Variants in ELAVL4 observed in about 807,000 individuals in gnomAD.
ELAVL4 encodes ELAV-like protein 4.
In ELAVL4, 1 loss-of-function variant was observed where a neutral mutation model predicts 35.6. The observed-to-expected ratio is 0.03, with a 90% CI of 0.01 to 0.13. The LOEUF (loss-of-function observed/expected upper bound fraction) is 0.13. Among genes scored for constraint, ELAVL4 ranks in the 10% least tolerant of loss-of-function variants. The probability of loss-of-function intolerance (pLI) is 1.00; values close to 1 mark genes in which losing one functional copy is unlikely to be tolerated. For synonymous variants in ELAVL4, 156 were observed against 171.0 expected, an observed-to-expected ratio of 0.91 and a Z score of 0.69; for missense variants, 267 against 464.9, an observed-to-expected ratio of 0.57 and a Z score of 3.91.
intron 1 of ELAVL4, among the ~76,000 whole-genome samples, chr1:50,070,368 A>G (rs1002998590): frequency 2.6e-5 from 4 of 152,302 alleles, no homozygotes; most frequent in African/African-American, 9.6e-5. Flanking sequence ...GGGGTCCTCT[A>G]TGGGACTCCC....
intron 2 of ELAVL4, among the ~76,000 whole-genome samples, chr1:50,148,383 T>A (rs1197266651): frequency 2.6e-5 from 4 of 152,158 alleles, no homozygotes; most frequent in Admixed American, 6.5e-5. Context: ...ACAAGACTCA[T>A]GTGTATAAAG....
At chr1:50,056,347 C>T (rs1663669091) in intron 1 of ELAVL4, among the ~76,000 whole-genome samples, 1 of 152,094 alleles carries the variant, frequency 6.6e-6, no homozygotes, top group Non-Finnish European at 1.5e-5. Flanking sequence ...TGGTCATGCA[C>T]CACATAAGTA....
At chr1:50,146,145 T>A (rs2148695069) in intron 2 of ELAVL4, among the ~76,000 whole-genome samples, 1 of 140,858 alleles carries the variant, frequency 7.1e-6, no homozygotes, top group South Asian at 2.4e-4. Flanking sequence ...AATCAGCAAC[T>A]GTCCTAGAGT....
chr1:50,055,290 GT>G lies in ELAVL4; in HGVS notation c.18+7113del, dbSNP rs556821600. ...ATTTGTTTTGTTTTTTTTTTGTTTT[GT>G]TTTTGTTTTTGTTTTTGTTTTTGTT... On this transcript the variant is annotated intron_variant, in intron 1 of 6. Transcript: ENST00000448907. 4.2e-4 allele frequency among the ~76,000 whole-genome samples: 62 copies of G among 148,504 alleles called. 1 individual carries two copies. In the South Asian group the frequency reaches 9.8e-3, roughly 23 times the overall value.
intron 3 of ELAVL4, among the ~76,000 whole-genome samples, chr1:50,185,237 T>G (rs937788085): frequency 2.0e-5 from 3 of 152,216 alleles, no homozygotes; most frequent in Admixed American, 1.3e-4. Flanking sequence ...TCTCCCCTTT[T>G]GTCCATTCAA....
intron 3 of ELAVL4, among the ~76,000 whole-genome samples, chr1:50,192,075 C>A (rs112472475): frequency 6.6e-6 from 1 of 152,152 alleles, no homozygotes; most frequent in Non-Finnish European, 1.5e-5. Context: ...CTTAGTCCTT[C>A]AGCCCACACT....
intron 1 of ELAVL4, among the ~76,000 whole-genome samples, chr1:50,118,449 G>A (rs572176370): frequency 6.6e-6 from 1 of 151,862 alleles, no homozygotes; most frequent in African/African-American, 2.4e-5. Flanking sequence ...TGTGCAGGAT[G>A]TCAGCAGAAT....
chr1:50,109,536 G>A (rs1015287366), intron 1 of ELAVL4: 3 of 359,770 alleles, frequency 8.3e-6, no homozygotes, highest in Non-Finnish European at 1.0e-5. Flanking sequence ...TTTTGTAAGG[G>A]AGAGGGGGTT....
intron 1 of ELAVL4, among the ~76,000 whole-genome samples, chr1:50,076,031 G>A (rs917738607): frequency 4.6e-5 from 7 of 152,132 alleles, no homozygotes; most frequent in African/African-American, 1.7e-4. Flanking sequence ...GTTTCGCCAT[G>A]TTGGCCAGGC....
chr1:50,063,445 G>A (rs1330852422), intron 1 of ELAVL4, among the ~76,000 whole-genome samples: 2 of 152,074 alleles, frequency 1.3e-5, no homozygotes, highest in Non-Finnish European at 2.9e-5. Context: ...TGCCACTGTA[G>A]GAAACACGTA....
At chr1:50,188,749 T>C (rs997376235) in intron 3 of ELAVL4, among the ~76,000 whole-genome samples, 4 of 152,328 alleles carry the variant, frequency 2.6e-5, no homozygotes, top group Middle Eastern at 3.4e-3. Flanking sequence ...AGGCAGCATT[T>C]GAGCCTCACA....
rs561833128 is a variant in ELAVL4, at chr1:50,153,368, G to A, written c.250+8171G>A. On this transcript the variant is annotated intron_variant, in intron 2 of 6. Coordinates refer to ENST00000371824, the MANE Select transcript of ELAVL4 (RefSeq NM_001144774.3). ...GTTATCTCATTGAAGCTTTATATCA[G>A]TGTTGCCTGATCAGTGATTTTATTC... 5.3e-5 allele frequency among the ~76,000 whole-genome samples: 8 copies of A among 152,324 alleles called. No individual in the cohort carries two copies. The South Asian group carries it at 8.3e-4, about 16-fold the overall frequency.
At chr1:50,106,252 T>C, upstream of ELAVL4, 1 of 1,534,956 alleles carries the variant, frequency 6.5e-7, no homozygotes, top group Non-Finnish European at 8.9e-7. Context: ...GGACTCTGTG[T>C]GGGAAAGCTG....
upstream of ELAVL4, among the ~76,000 whole-genome samples, chr1:50,102,267 C>T (rs985986605): frequency 6.6e-6 from 1 of 150,628 alleles, no homozygotes; most frequent in African/African-American, 2.5e-5. Context: ...GCCTGGGCGT[C>T]AAAGCGAGAC....
At chr1:50,059,304 G>A (rs943959369) in intron 1 of ELAVL4, among the ~76,000 whole-genome samples, 9 of 152,100 alleles carry the variant, frequency 5.9e-5, no homozygotes, top group Admixed American at 2.0e-4. Flanking sequence ...ATACATGCAC[G>A]GACTTAGTGG....
chr1:50,106,508 A>G (rs1666324372), upstream of ELAVL4: 1 of 738,314 alleles, frequency 1.4e-6, no homozygotes, highest in Admixed American at 2.5e-5. Flanking sequence ...TGTGGCAGAA[A>G]AAAAAAATCA....
At chr1:50,193,031 T>G (rs953691059) in intron 3 of ELAVL4, among the ~76,000 whole-genome samples, 4 of 152,182 alleles carry the variant, frequency 2.6e-5, no homozygotes, top group African/African-American at 9.7e-5. Flanking sequence ...TCTCTCTCTC[T>G]ACTGCCCTTT....
chr1:50,170,655 G>A (rs899393584), intron 2 of ELAVL4, among the ~76,000 whole-genome samples: 2 of 152,182 alleles, frequency 1.3e-5, no homozygotes, highest in African/African-American at 4.8e-5. Flanking sequence ...GTAGGTCTGG[G>A]ATGGGACCTG....
At chr1:50,101,962 A>C (rs913574970), upstream of ELAVL4, among the ~76,000 whole-genome samples, 1 of 152,160 alleles carries the variant, frequency 6.6e-6, no homozygotes. Context: ...ACTCCCGGTA[A>C]AATATAGCGT....
Sources: gnomAD v4.1 joint callset for allele counts (sites outside exome capture counted in the v4.1 genomes callset) on GRCh38, gnomAD v4.1.1 for gene constraint, MANE v1.5 for transcripts, NCBI Gene and HGNC (gene_info 2026-07-23, HGNC 2026-07-21) for gene names.